SORBS2: variants seen among roughly 807,000 people sequenced by gnomAD.
SORBS2 encodes sorbin and SH3 domain containing 2.
Under a neutral mutation model 97.7 loss-of-function variants are expected in SORBS2, and 46 were observed. The ratio of observed to expected loss-of-function variants is 0.47; its 90% CI spans 0.37 to 0.60. The LOEUF (loss-of-function observed/expected upper bound fraction) is 0.60. Ranked by LOEUF, SORBS2 falls within the 20% of genes least tolerant of loss-of-function variation. The pLI, the probability that SORBS2 is intolerant of heterozygous loss-of-function variation, is 0.00. For missense variants in SORBS2, 1,316 were observed against 1,282.3 expected (o/e 1.03, Z -0.40); for synonymous variants, 476 against 473.4 (o/e 1.01, Z -0.07).
chr4:185,916,755 C>T (rs753737651), intron 1 of SORBS2, among the ~76,000 whole-genome samples: 1 of 152,130 alleles, frequency 6.6e-6, no homozygotes. Flanking sequence ...ATTAAACATG[C>T]TACAGTGCAC....
intron 2 of SORBS2, 66 bp from the exon 12 acceptor site, chr4:185,649,722 A>T: frequency 9.2e-7 from 1 of 1,087,036 alleles, no homozygotes; most frequent in Non-Finnish European, 1.2e-6. Context: ...AATGAATTAA[A>T]TTATTTGTCC....
chr4:185,877,374 G>C (rs1369145580), intron 1 of SORBS2, among the ~76,000 whole-genome samples: 1 of 152,136 alleles, frequency 6.6e-6, no homozygotes, highest in Non-Finnish European at 1.5e-5. Flanking sequence ...AATTAATGCA[G>C]TTATGTAACA....
intron 5 of SORBS2, 95 bp downstream of exon 8, chr4:185,662,009 G>A (rs1376894891): frequency 4.3e-6 from 6 of 1,389,898 alleles, no homozygotes; most frequent in East Asian, 2.4e-5. Context: ...AGTGCTGAGC[G>A]CTCCCGCCTC....
At chr4:185,851,613 G>T (rs931576913) in intron 1 of SORBS2, among the ~76,000 whole-genome samples, 1 of 152,152 alleles carries the variant, frequency 6.6e-6, no homozygotes, top group Non-Finnish European at 1.5e-5. Context: ...GTCTGTGAGG[G>T]TGTTGCCAAA....
At chr4:185,595,766 C>CTT (rs33913195) in intron 12 of SORBS2, among the ~76,000 whole-genome samples, 3 of 142,334 alleles carry the variant, frequency 2.1e-5, no homozygotes, top group African/African-American at 2.5e-5. Context: ...TTGGTCTAGT[C>CTT]TTTTTTTTTT....
At chr4:185,604,741 C>T (rs1444829646) in intron 12 of SORBS2, among the ~76,000 whole-genome samples, 30 of 152,060 alleles carry the variant, frequency 2.0e-4, no homozygotes, top group East Asian at 1.9e-4. Context: ...TTTAATTTTT[C>T]GCATGGGGGT....
chr4:185,691,963 G>A lies in SORBS2; in HGVS notation c.-197-13141C>T, dbSNP rs578229029. On this transcript the variant is annotated intron_variant, in intron 2 of 20. Transcript: ENST00000284776. Reference sequence around the variant, plus strand: ...AGGGTTTCACCATGTTAGCCAGGATGGCTACGATCTCCTGACCTTGTGATC... The same window carrying A: ...AGGGTTTCACCATGTTAGCCAGGATAGCTACGATCTCCTGACCTTGTGATC... Among the ~76,000 whole-genome samples, 329 of 152,296 alleles carry A rather than the reference G, an allele frequency of 2.2e-3. 2 individuals are homozygous for A. The highest frequency in any genetic ancestry group is 7.8e-3 in the African/African-American group (325 of 41,576).
chr4:185,915,718 A>C (rs1361383764), intron 1 of SORBS2, among the ~76,000 whole-genome samples: 1 of 151,226 alleles, frequency 6.6e-6, no homozygotes, highest in Non-Finnish European at 1.5e-5. Flanking sequence ...CACCCCCAGC[A>C]TTAAGTTTAA....
At chr4:185,759,245 C>T (rs1049831933) in intron 2 of SORBS2, among the ~76,000 whole-genome samples, 3 of 152,178 alleles carry the variant, frequency 2.0e-5, no homozygotes, top group African/African-American at 4.8e-5. Flanking sequence ...ATGGAGTAGG[C>T]GTTAAAAATG....
intron 2 of SORBS2, among the ~76,000 whole-genome samples, chr4:185,738,400 T>C (rs2098701719): frequency 6.6e-6 from 1 of 152,198 alleles, no homozygotes; most frequent in South Asian, 2.1e-4. Flanking sequence ...ATAAAGCCGA[T>C]CCCAGCCCGG....
intron 4 of SORBS2, among the ~76,000 whole-genome samples, chr4:185,644,788 G>A (rs924356568): frequency 1.3e-5 from 2 of 152,150 alleles, no homozygotes; most frequent in African/African-American, 2.4e-5. Context: ...ATTGTAAAAC[G>A]AGGAGTCTTT....
At chr4:185,677,634 G>C (rs1211945072) in intron 4 of SORBS2, 1 of 1,506,666 alleles carries the variant, frequency 6.6e-7, no homozygotes, top group Non-Finnish European at 8.8e-7. Flanking sequence ...TGGTGGAGGG[G>C]GTGCCTGGAT....
chr4:185,913,548 A>C (rs540417853), intron 1 of SORBS2, among the ~76,000 whole-genome samples: 2 of 152,336 alleles, frequency 1.3e-5, no homozygotes, highest in Admixed American at 1.3e-4. Flanking sequence ...GTTAAACGGT[A>C]AGACTGAAGA....
intron 1 of SORBS2, among the ~76,000 whole-genome samples, chr4:185,895,304 C>A (rs943206313): frequency 7.9e-5 from 12 of 152,192 alleles, no homozygotes; most frequent in Admixed American, 3.9e-4. Flanking sequence ...TGTATGTTTG[C>A]GTAATTCCCT....
intron 1 of SORBS2, among the ~76,000 whole-genome samples, chr4:185,850,256 T>C (rs576866563): frequency 2.6e-4 from 40 of 152,206 alleles, no homozygotes; most frequent in African/African-American, 9.4e-4. Context: ...AATGACTGAG[T>C]TGGGAAAAAC....
In SORBS2 at chr4:185,623,648, C is replaced by T. The variant is rs370511236; in HGVS notation, c.1481G>A (p.Arg494Gln). 10 of 1,614,082 alleles carry T rather than the reference C, an allele frequency of 6.2e-6. No individual in the cohort carries two copies. The highest frequency in any genetic ancestry group is 1.3e-5 in the African/African-American group (1 of 75,044). Reference sequence around the variant, plus strand: ...GCTGTCGGAAAACTCCACGTGTGCTCGGGGCTGCTCATCGCTGGTGACTTC... The same window carrying T: ...GCTGTCGGAAAACTCCACGTGTGCTTGGGGCTGCTCATCGCTGGTGACTTC... Residue 494 changes from arginine (R) to glutamine (Q), a missense_variant, in exon 7 of 15, where the codon CGA (arginine) becomes CAA (glutamine). By Grantham distance (43) the Arg-to-Gln change is conservative (BLOSUM62 1). Transcript: ENST00000418609. The surrounding 1 kb of genome is among the most constrained non-coding windows in gnomAD (Gnocchi z 6.4).
rs148247397 is a variant in SORBS2 at position 185,766,704 on chromosome 4, T to G, written c.-198+8523A>C. Among the ~76,000 whole-genome samples the G allele has an allele frequency of 8.0e-3, 1,226 of 152,328 alleles. 6 individuals are homozygous for G. The highest frequency in any genetic ancestry group is 0.013 in the Non-Finnish European group (870 of 68,026). ...CTAAATTCAATACCAATCGAATTTTTTAGGTTTGCAAAATTGAACTAAAGA... is the reference window on the plus strand; with the variant it reads ...CTAAATTCAATACCAATCGAATTTTGTAGGTTTGCAAAATTGAACTAAAGA... On this transcript the variant is annotated intron_variant, in intron 2 of 20. Transcript: ENST00000284776.
intron 1 of SORBS2, among the ~76,000 whole-genome samples, chr4:185,929,441 A>G (rs1206937417): frequency 6.6e-6 from 1 of 152,198 alleles, no homozygotes; most frequent in Non-Finnish European, 1.5e-5. Context: ...AAAGCAGAGT[A>G]CAAGCAAATA....
At chr4:185,604,713 C>G (rs1277928353) in intron 12 of SORBS2, among the ~76,000 whole-genome samples, 2 of 152,122 alleles carry the variant, frequency 1.3e-5, no homozygotes, top group African/African-American at 2.4e-5. Context: ...GATTCAAAAT[C>G]CCCAATGGTA....
Sources: gnomAD v4.1 joint callset for allele counts (sites outside exome capture counted in the v4.1 genomes callset) on GRCh38, gnomAD v4.1.1 for gene constraint, Gnocchi (gnomAD v3.1) non-coding constraint, MANE v1.5 for transcripts, NCBI Gene and HGNC (gene_info 2026-07-23, HGNC 2026-07-21) for gene names.